Variants in DMD observed in about 807,000 individuals in gnomAD.
DMD encodes dystrophin.
DMD carries 63 observed loss-of-function variants against 330.1 expected under a neutral mutation model. The ratio of observed to expected loss-of-function variants is 0.19; its 90% CI spans 0.16 to 0.24. DMD has a LOEUF of 0.24. Ranked by LOEUF, DMD falls within the 10% of genes least tolerant of loss-of-function variation. The pLI is 1.00. For synonymous variants in DMD, 1,223 were observed against 959.8 expected (o/e 1.27, Z -5.07); for missense variants, 3,344 against 2,684.1 (o/e 1.25, Z -5.43).
At chrX:32,996,060 C>T (rs928038876) in intron 2 of DMD, among the ~76,000 whole-genome samples, 2 of 111,845 alleles carry the variant, frequency 1.8e-5, no homozygotes, top group Admixed American at 9.5e-5. Context: ...GTAATGAAAA[C>T]GTAGTACTTG....
chrX:32,881,379 T>G (rs2083927235), intron 2 of DMD, among the ~76,000 whole-genome samples: 1 of 112,655 alleles, frequency 8.9e-6, no homozygotes, highest in Admixed American at 9.4e-5. Flanking sequence ...AATTGTATAC[T>G]TACGCAATGT....
intron 60 of DMD, among the ~76,000 whole-genome samples, chrX:31,362,375 T>C (rs1334711722): frequency 1.8e-5 from 2 of 112,248 alleles, no homozygotes; most frequent in African/African-American, 6.5e-5. Flanking sequence ...GTCAAAACTT[T>C]TGTGTTTCAC....
At chrX:31,752,667 C>G (rs2088688847) in intron 51 of DMD, among the ~76,000 whole-genome samples, 1 of 111,244 alleles carries the variant, frequency 9.0e-6, no homozygotes, top group Admixed American at 9.6e-5. Flanking sequence ...GGAATGAATC[C>G]TATAAGAATT....
At chrX:31,855,020 T>C (rs1163104746) in intron 48 of DMD, among the ~76,000 whole-genome samples, 1 of 112,270 alleles carries the variant, frequency 8.9e-6, no homozygotes, top group Admixed American at 9.5e-5. Context: ...AAGGAACAAA[T>C]GAAAGAATGT....
intron 55 of DMD, among the ~76,000 whole-genome samples, chrX:31,564,638 A>G (rs1485592603): frequency 1.8e-5 from 2 of 112,313 alleles, no homozygotes; most frequent in Non-Finnish European, 3.8e-5. Flanking sequence ...CAATCAAATA[A>G]GACCCCCTAA....
intron 29 of DMD, among the ~76,000 whole-genome samples, chrX:32,422,165 C>T (rs1484955466): frequency 9.0e-6 from 1 of 111,256 alleles, no homozygotes; most frequent in Non-Finnish European, 1.9e-5. Context: ...ATTACTGGTC[C>T]ACAGTGGGAA....
At chrX:31,363,372 C>CTTTTTTT (rs752548187) in intron 60 of DMD, among the ~76,000 whole-genome samples, 1 of 51,881 alleles carries the variant, frequency 1.9e-5, no homozygotes, top group African/African-American at 8.1e-5. Flanking sequence ...AGACATGTAT[C>CTTTTTTT]TTTTTTTTTT....
chrX:32,853,769 GAAA>G (rs1162458210), intron 2 of DMD, among the ~76,000 whole-genome samples: 3 of 56,092 alleles, frequency 5.3e-5, no homozygotes, highest in African/African-American at 2.3e-4. Context: ...CACAGTGACA[GAAA>G]AAAAAAAAAA....
At chrX:32,183,571 A>ATATATAT (rs2096934749) in intron 44 of DMD, among the ~76,000 whole-genome samples, 87 of 95,091 alleles carry the variant, frequency 9.1e-4, no homozygotes, top group African/African-American at 3.0e-3. Context: ...TATATATATA[A>ATATATAT]ATATATATAT....
At chrX:32,752,410 G>A (rs2070944228) in intron 7 of DMD, among the ~76,000 whole-genome samples, 1 of 110,475 alleles carries the variant, frequency 9.1e-6, no homozygotes, top group African/African-American at 3.3e-5. Context: ...CATGTGCCCT[G>A]AAGCCCCTTT....
intron 1 of DMD, among the ~76,000 whole-genome samples, chrX:33,331,962 G>C (rs1391209252): frequency 1.8e-5 from 2 of 111,420 alleles, no homozygotes; most frequent in Non-Finnish European, 3.8e-5. Context: ...TTATTCAGAT[G>C]TCACATTTTA....
chrX:32,378,579 T>G (rs973830609), intron 34 of DMD, among the ~76,000 whole-genome samples: 3 of 110,567 alleles, frequency 2.7e-5, no homozygotes, highest in African/African-American at 9.8e-5. Flanking sequence ...GTTCAAATAC[T>G]TTCATACGAA....
chrX:32,362,695 G>T, intron 37 of DMD, 93 bp downstream of exon 37: 1 of 1,007,228 alleles, frequency 9.9e-7, no homozygotes, highest in Non-Finnish European at 1.4e-6. Flanking sequence ...TGAAAACCTT[G>T]CTGTGGGGTC....
At chrX:32,731,836 ACT>A (rs2067707284) in intron 7 of DMD, among the ~76,000 whole-genome samples, 1 of 111,767 alleles carries the variant, frequency 8.9e-6, no homozygotes, top group Non-Finnish European at 1.9e-5. Flanking sequence ...AAAACTGGAA[ACT>A]CTAAAAAGCA....
intron 62 of DMD, among the ~76,000 whole-genome samples, chrX:31,283,571 G>T (rs1328702667): frequency 9.0e-6 from 1 of 111,231 alleles, no homozygotes; most frequent in African/African-American, 3.3e-5. Flanking sequence ...CCCCTGCTTG[G>T]TCTATATTTC....
Position 31,444,550 on chromosome X carries a change from C to T in DMD, c.9015G>A (p.Leu3005=), listed in dbSNP as rs777063669. Reference sequence around the variant, plus strand: ...GGTTATACGGTGAGAGCTGAATGCCCAAAGTGGTAAGCTGGCGAGCAAGGT... The same window carrying T: ...GGTTATACGGTGAGAGCTGAATGCCTAAAGTGGTAAGCTGGCGAGCAAGGT... ...VNDLARQLTT[L]GIQLSPYNLS... is the part of the protein sequence containing the mutation. The change falls in exon 60 of 79, where the codon TTG becomes TTA. Residue 3005 remains leucine, a synonymous_variant. Transcript: ENST00000357033. 1.7e-6 allele frequency: 2 copies of T among 1,211,676 alleles called. No individual in the cohort carries two copies. Among genetic ancestry groups the T allele is most frequent in the Non-Finnish European group, 2.2e-6 (2 of 895,454 alleles).
chrX:31,642,055 G>T (rs1450262816), intron 54 of DMD, among the ~76,000 whole-genome samples: 1 of 111,840 alleles, frequency 8.9e-6, no homozygotes, highest in Non-Finnish European at 1.9e-5. Context: ...GTCTTCTGTT[G>T]TAGAATTAAA....
At position 32,129,978 on chromosome X, in the gene DMD, C is replaced by CT. The variant is rs756669672; in HGVS notation, c.6438+86937dup. Among the ~76,000 whole-genome samples the CT allele has an allele frequency of 5.2e-3, 463 of 89,522 alleles. 2 individuals are homozygous for CT. The highest frequency in any genetic ancestry group is 8.0e-3 in the South Asian group (16 of 2,001). 77.7% of individuals were successfully genotyped at this position (89,522 alleles called of 115,157 possible). On this transcript the variant is annotated intron_variant, in intron 44 of 78. Coordinates refer to ENST00000357033, the MANE Select transcript of DMD (RefSeq NM_004006.3). ...TCCTTCCTTTCTCATTTTTCAAAGA[C>CT]TTTTTTTTTTTTTTTTTGGTCCCAG...
At chrX:31,996,980 A>G (rs1266700997) in intron 44 of DMD, among the ~76,000 whole-genome samples, 13 of 111,445 alleles carry the variant, frequency 1.2e-4, no homozygotes, top group Admixed American at 9.6e-5. Flanking sequence ...TGTAAACTGT[A>G]TATCTTCCAT....
Sources: gnomAD v4.1 joint callset for allele counts (sites outside exome capture counted in the v4.1 genomes callset) on GRCh38, gnomAD v4.1.1 for gene constraint, MANE v1.5 for transcripts, NCBI Gene and HGNC (gene_info 2026-07-23, HGNC 2026-07-21) for gene names.